Variants in DVL1 observed in about 807,000 individuals in gnomAD.
DVL1 encodes the protein dishevelled segment polarity protein 1.
In DVL1, 49 loss-of-function variants were observed where a neutral mutation model predicts 65.0. That is an observed-to-expected ratio of 0.75 (90% CI 0.60 to 0.96). The LOEUF is 0.96. Ranked by LOEUF, DVL1 falls within the 40% of genes least tolerant of loss-of-function variation. DVL1 has a pLI of 0.00. For synonymous variants in DVL1, 608 were observed against 433.9 expected (o/e 1.40, Z -4.99); for missense variants, 1,197 against 1,045.4 (o/e 1.15, Z -2.00).
intron 1 of DVL1, among the ~76,000 whole-genome samples, chr1:1,345,722 G>T (rs577901328): frequency 6.6e-6 from 1 of 152,212 alleles, no homozygotes; most frequent in Non-Finnish European, 1.5e-5. Flanking sequence ...GCCACAGCCA[G>T]CTGCCCTAGA....
chr1:1,336,058 C>G lies in DVL1; in HGVS notation c.*84G>C, dbSNP rs979971926. ...CCACCCTGCCTCCCGTCCTGGCCCCCACGAAGGCAAGCCCACGCGAGCTCT... is the reference window on the plus strand; with the variant it reads ...CCACCCTGCCTCCCGTCCTGGCCCCGACGAAGGCAAGCCCACGCGAGCTCT... On this transcript the variant is annotated 3_prime_UTR_variant, in exon 15 of 15. Transcript: ENST00000378888. 93 of 1,508,172 alleles carry G rather than the reference C, an allele frequency of 6.2e-5. 1 individual carries two copies. In the South Asian group the frequency reaches 1.2e-3, roughly 19 times the overall value. 93.4% of individuals were successfully genotyped at this position (1,508,172 alleles called of 1,614,324 possible). A position where few individuals can be genotyped will look rare whatever the true frequency, so the allele number is the denominator to read the frequency against.
At position 1,349,110 on chromosome 1, in the gene DVL1, GGGC is replaced by G; in HGVS notation, c.-48_-46del. Reference sequence around the variant, plus strand: ...GCCCGCGCGCTCAGGGCCCGGCCCGGGGCTCGGACGCGGGGCGCTACCCGCCCG... The same window carrying G: ...GCCCGCGCGCTCAGGGCCCGGCCCGGTCGGACGCGGGGCGCTACCCGCCCG... On this transcript the variant is annotated 5_prime_UTR_variant, in exon 1 of 15. Coordinates refer to ENST00000378888, the MANE Select transcript of DVL1 (RefSeq NM_001330311.2). The surrounding 1 kb of genome is among the most constrained non-coding windows in gnomAD (Gnocchi z 4.1). 8.6e-7 allele frequency: 1 copy of G among 1,164,816 alleles called. No homozygotes were observed. Among genetic ancestry groups the G allele is most frequent in the Non-Finnish European group, 1.1e-6 (1 of 933,770 alleles). The allele number at this position is 1,164,816 out of a possible 1,614,324, so 72.2% of individuals were successfully genotyped here.
At chr1:1,341,039 ACG>A (rs1168011189) in intron 5 of DVL1, among the ~76,000 whole-genome samples, 1 of 143,080 alleles carries the variant, frequency 7.0e-6, no homozygotes, top group African/African-American at 2.7e-5. Flanking sequence ...CCCTGCACAC[ACG>A]CACCCCTGCA....
Position 1,340,104 on chromosome 1 carries a change from G to A in DVL1, c.843C>T (p.Gly281=), listed in dbSNP as rs1236847285. The change falls in exon 8 of 15, where the codon GGC becomes GGT. Residue 281 remains glycine, a synonymous_variant. Transcript: ENST00000378888. ...NDRGDGGIYI[G]SIMKGGAVAA... is the part of the protein sequence containing the mutation. The stretch of plus-strand genomic sequence containing the variant: ...CCACAGCCCCGCCCTTCATGATGGA[G>A]CCAATGTAGATGCCGCCGTCTCCAC... 1 of 1,613,570 alleles carries A rather than the reference G, an allele frequency of 6.2e-7. No individual in the cohort carries two copies. Among genetic ancestry groups the A allele is most frequent in the Non-Finnish European group, 8.5e-7 (1 of 1,179,998 alleles).
Position 1,342,707 on chromosome 1 carries a change from G to T in DVL1, c.222C>A (p.Asn74Lys). ...GGCTCACCCAGGAGACCACGCGGCCGTTGAAGCAGGGAAGCTTGGCATTGT... is the reference window on the plus strand; with the variant it reads ...GGCTCACCCAGGAGACCACGCGGCCTTTGAAGCAGGGAAGCTTGGCATTGT... Reference protein sequence around the residue: ...FDDNAKLPCFNGRVVSWLVLA... With the variant: ...FDDNAKLPCFKGRVVSWLVLA... The change falls in exon 2 of 15, where the codon AAC becomes AAA. Residue 74 changes from asparagine (N) to lysine (K), a missense_variant. Asn to Lys is a moderately conservative substitution (Grantham distance 94, BLOSUM62 0). Transcript: ENST00000378888. 1 of 1,613,096 alleles carries T rather than the reference G, an allele frequency of 6.2e-7. No homozygotes were observed. The highest frequency in any genetic ancestry group is 8.5e-7 in the Non-Finnish European group (1 of 1,179,792).
chr1:1,338,139 C>T lies in DVL1; in HGVS notation c.1552G>A (p.Asp518Asn), dbSNP rs763780144. Residue 518 changes from aspartate to asparagine, a missense_variant, in exon 14 of 15, where the codon GAT becomes AAT. Physicochemically the swap from Asp to Asn is conservative, Grantham distance 23 (BLOSUM62 1). Coordinates refer to ENST00000378888, the MANE Select transcript of DVL1 (RefSeq NM_001330311.2). The part of the protein sequence containing the change: ...NLNSGSSGTS[D>N]QDTLAPLPHP... ...GGCAGCGGGGCCAGCGTGTCCTGAT[C>T]CGAAGTCCCACTGGAGCCACTGTTG... The T allele has an allele frequency of 2.5e-6, 4 of 1,609,448 alleles. No homozygotes were observed. The highest frequency in any genetic ancestry group is 3.4e-6 in the Non-Finnish European group (4 of 1,178,510).
chr1:1,348,428 GC>G (rs200906273), intron 1 of DVL1, among the ~76,000 whole-genome samples: 2,075 of 152,334 alleles, frequency 0.014, 55 homozygotes, highest in African/African-American at 0.047. Flanking sequence ...GCAGAAGGGG[GC>G]CAGGAGAACC....
At chr1:1,342,878 G>T in intron 1 of DVL1, 120 bp from the exon 2 acceptor site, 1 of 922,040 alleles carries the variant, frequency 1.1e-6, no homozygotes, top group Non-Finnish European at 1.6e-6. Flanking sequence ...GGACACCCCT[G>T]CTAGCGCATT....
chr1:1,342,265 G>A (rs1039483827), intron 3 of DVL1, 98 bp downstream of exon 3: 8 of 1,494,274 alleles, frequency 5.4e-6, no homozygotes, highest in African/African-American at 2.8e-5. Flanking sequence ...CAGGTGCCAC[G>A]CCCGCCTACT....
chr1:1,341,564 A>G, intron 5 of DVL1, 103 bp downstream of exon 5: 3 of 1,400,962 alleles, frequency 2.1e-6, no homozygotes, highest in South Asian at 2.8e-5. Context: ...ACACACGCAC[A>G]CACGTGCAAT....
intron 1 of DVL1, among the ~76,000 whole-genome samples, chr1:1,344,862 G>A (rs1380063453): frequency 2.0e-5 from 3 of 152,088 alleles, no homozygotes; most frequent in Non-Finnish European, 4.4e-5. Flanking sequence ...AGAGCCCCTG[G>A]CAGGGTCCCC....
intron 1 of DVL1, among the ~76,000 whole-genome samples, chr1:1,345,733 C>T (rs1013180958): frequency 5.3e-5 from 8 of 152,196 alleles, no homozygotes; most frequent in African/African-American, 1.4e-4. Context: ...CTGCCCTAGA[C>T]GTGGCGTGGT....
chr1:1,336,706 C>A (rs1435631620), intron 14 of DVL1, among the ~76,000 whole-genome samples, 191 bp from the exon 15 acceptor site: 1 of 152,200 alleles, frequency 6.6e-6, no homozygotes, highest in African/African-American at 2.4e-5. Context: ...CAGGCATGGG[C>A]TGGTGGGGGC....
rs373712517 is a variant in DVL1, at chr1:1,349,121, C to T, written c.-56G>A. The T allele has an allele frequency of 1.6e-3, 1,634 of 1,031,626 alleles. 15 individuals are homozygous for T. The African/African-American group carries it at 0.022, about 14-fold the overall frequency. 63.9% of individuals were successfully genotyped at this position (1,031,626 alleles called of 1,614,324 possible). A position where few individuals can be genotyped will look rare whatever the true frequency, so the allele number is the denominator to read the frequency against. ...CAGGGCCCGGCCCGGGGCTCGGACG[C>T]GGGGCGCTACCCGCCCGCCCGCCTG... On this transcript the variant is annotated 5_prime_UTR_variant, in exon 1 of 15. Coordinates refer to ENST00000378888, the MANE Select transcript of DVL1 (RefSeq NM_001330311.2). The surrounding 1 kb of genome is among the most constrained non-coding windows in gnomAD (Gnocchi z 4.1).
rs774346872 is a variant in DVL1, at chr1:1,349,068, C to CGCG, written c.-6_-4dup. On this transcript the variant is annotated 5_prime_UTR_variant, in exon 1 of 15. Coordinates refer to ENST00000378888, the MANE Select transcript of DVL1 (RefSeq NM_001330311.2). The surrounding 1 kb of genome is among the most constrained non-coding windows in gnomAD (Gnocchi z 4.1). ...TAGATAATCTTGGTCTCCGCCATGG[C>CGCG]GCGGCGGCGGCGCGGAGCCCGCGCG... The CGCG allele has an allele frequency of 8.9e-5, 132 of 1,481,568 alleles. No individual in the cohort carries two copies. Among genetic ancestry groups the CGCG allele is most frequent in the Non-Finnish European group, 1.1e-4 (120 of 1,108,034 alleles). The allele number at this position is 1,481,568 out of a possible 1,614,324, so 91.8% of individuals were successfully genotyped here. A position where few individuals can be genotyped will look rare whatever the true frequency, so the allele number is the denominator to read the frequency against.
In DVL1 at chr1:1,340,450, T is replaced by G. The variant is rs749413431; in HGVS notation, c.659A>C (p.Lys220Thr). The stretch of plus-strand genomic sequence containing the variant: ...AAGGCGCTGCTTCCTCCGCCGGCGT[T>G]TGTGCTTCCGGATGAGTCTGGATGA... ...STSSRLIRKH[K>T]RRRRKQRLRQ... The change falls in exon 6 of 15, where the codon AAA becomes ACA. Residue 220 changes from lysine (K) to threonine (T), a missense_variant. Lys to Thr is a moderately conservative substitution (Grantham distance 78, BLOSUM62 -1). Transcript: ENST00000378888. 1 of 1,612,074 alleles carries G rather than the reference T, an allele frequency of 6.2e-7. No homozygotes were observed. The highest frequency in any genetic ancestry group is 1.1e-5 in the South Asian group (1 of 90,732).
chr1:1,339,555 G>GC, intron 10 of DVL1, 27 bp downstream of exon 10: 2 of 1,567,266 alleles, frequency 1.3e-6, no homozygotes, highest in Non-Finnish European at 1.7e-6. Context: ...TCCCCATCCC[G>GC]CCCCGTGTGC....
At chr1:1,345,533 G>C (rs891354284) in intron 1 of DVL1, among the ~76,000 whole-genome samples, 6 of 152,162 alleles carry the variant, frequency 3.9e-5, no homozygotes, top group Non-Finnish European at 8.8e-5. Flanking sequence ...TGAAACTCAC[G>C]GCAGCTGCCA....
rs1461596779 is a variant in DVL1 at position 1,336,076 on chromosome 1, C to A, written c.*66G>T. 2.0e-6 allele frequency: 3 copies of A among 1,531,356 alleles called. No individual in the cohort carries two copies. The highest frequency in any genetic ancestry group is 2.0e-5 in the Admixed American group (1 of 51,084). The allele number at this position is 1,531,356 out of a possible 1,614,324, so 94.9% of individuals were successfully genotyped here. ...TGGCCCCCACGAAGGCAAGCCCACG[C>A]GAGCTCTGCATGCGGCAGGACCGCC... is the stretch of plus-strand genomic sequence containing the variant. On this transcript the variant is annotated 3_prime_UTR_variant, in exon 15 of 15. Transcript: ENST00000378888.
Sources: allele counts gnomAD v4.1 joint callset (sites outside exome capture counted in the v4.1 genomes callset), GRCh38; gene constraint gnomAD v4.1.1; non-coding constraint Gnocchi (gnomAD v3.1); transcripts MANE v1.5; gene names NCBI Gene and HGNC (gene_info 2026-07-23, HGNC 2026-07-21).